The following USH2A variants were observed in gnomAD, a reference collection of about 807,000 sequenced individuals.
USH2A encodes usherin, also known as Usher syndrome 2A (autosomal recessive, mild).
In USH2A, 443 loss-of-function variants were observed where a neutral mutation model predicts 538.9. That is an observed-to-expected ratio of 0.82 (90% CI 0.76 to 0.89). The LOEUF (loss-of-function observed/expected upper bound fraction) is 0.89. USH2A is among the 40% of genes least tolerant of loss of function. USH2A has a pLI of 0.00. For synonymous variants in USH2A, 2,413 were observed against 2,273.5 expected (o/e 1.06, Z -1.75); for missense variants, 6,633 against 6,324.8 (o/e 1.05, Z -1.65).
intron 21 of USH2A, among the ~76,000 whole-genome samples, chr1:216,148,353 G>T (rs971572878): frequency 3.3e-5 from 5 of 151,810 alleles, no homozygotes; most frequent in Middle Eastern, 3.4e-3. Flanking sequence ...ACTATTCCTG[G>T]ACTACAGCTA....
chr1:216,263,303 A>C (rs2036411008), intron 11 of USH2A, among the ~76,000 whole-genome samples: 1 of 152,246 alleles, frequency 6.6e-6, no homozygotes, highest in East Asian at 1.9e-4. Context: ...TGATAGCAAA[A>C]CCAAATATGC....
rs79583521 is a variant in USH2A at position 215,845,317 on chromosome 1, T to C, written c.9055+507A>G. ...GAGACTTTATAAAGCCAAAAAAGAT[T>C]AGAAAGACCATTCCAAACACATTTC... On this transcript the variant is annotated intron_variant, in intron 45 of 71. Transcript: ENST00000307340. Among the ~76,000 whole-genome samples the C allele has an allele frequency of 5.4e-3, 821 of 152,186 alleles. 6 individuals are homozygous for C. Among genetic ancestry groups the C allele is most frequent in the African/African-American group, 0.018 (760 of 41,528 alleles).
intron 56 of USH2A, among the ~76,000 whole-genome samples, chr1:215,766,223 C>T (rs1661123088): frequency 6.6e-6 from 1 of 152,128 alleles, no homozygotes; most frequent in Non-Finnish European, 1.5e-5. Context: ...TCTATCTCTT[C>T]CTCTTCAGGC....
chr1:215,731,290 G>A (rs1412003403), intron 60 of USH2A, among the ~76,000 whole-genome samples: 1 of 152,178 alleles, frequency 6.6e-6, no homozygotes, highest in South Asian at 2.1e-4. Context: ...TTGAATCCTT[G>A]AAAAATTAAT....
At chr1:215,710,756 T>G (rs1337141360) in intron 61 of USH2A, among the ~76,000 whole-genome samples, 1 of 152,176 alleles carries the variant, frequency 6.6e-6, no homozygotes, top group Admixed American at 6.6e-5. Context: ...GCCATTTATT[T>G]CAGTTGCTGC....
At chr1:215,703,148 G>C (rs1223143075) in intron 61 of USH2A, among the ~76,000 whole-genome samples, 1 of 152,188 alleles carries the variant, frequency 6.6e-6, no homozygotes, top group African/African-American at 2.4e-5. Flanking sequence ...GGAGGCTGCA[G>C]AACATCAAAG....
chr1:216,059,305 C>T (rs947345800), intron 30 of USH2A, among the ~76,000 whole-genome samples: 2 of 152,202 alleles, frequency 1.3e-5, no homozygotes, highest in Non-Finnish European at 2.9e-5. Flanking sequence ...CCCTTGACAA[C>T]TCTTTATATG....
At chr1:216,092,215 C>G (rs964719766) in intron 22 of USH2A, among the ~76,000 whole-genome samples, 1 of 152,126 alleles carries the variant, frequency 6.6e-6, no homozygotes, top group African/African-American at 2.4e-5. Flanking sequence ...TGGGCATCTA[C>G]TATGTTCCAA....
At position 216,222,870 on chromosome 1, in the gene USH2A, C is replaced by A. The variant is rs901710437; in HGVS notation, c.2994-5320G>T. On this transcript the variant is annotated intron_variant, in intron 14 of 71. Transcript: ENST00000307340. ...CTGCATGCTTGTAATCACAGCTACTCGGGAGGCTGAGGCAGGAGAATCATT... is the reference window on the plus strand; with the variant it reads ...CTGCATGCTTGTAATCACAGCTACTAGGGAGGCTGAGGCAGGAGAATCATT... 4.0e-5 allele frequency among the ~76,000 whole-genome samples: 6 copies of A among 151,442 alleles called. No homozygotes were observed. In the East Asian group the frequency reaches 1.2e-3, roughly 30 times the overall value.
chr1:216,230,425 T>C (rs1189779009), intron 14 of USH2A, among the ~76,000 whole-genome samples: 5 of 152,188 alleles, frequency 3.3e-5, no homozygotes, highest in Non-Finnish European at 5.9e-5. Context: ...ACCATCAAGG[T>C]AACATTTCTA....
At chr1:216,150,269 C>T (rs1253654279) in intron 21 of USH2A, among the ~76,000 whole-genome samples, 1 of 152,164 alleles carries the variant, frequency 6.6e-6, no homozygotes, top group African/African-American at 2.4e-5. Flanking sequence ...AACTGCCACT[C>T]TTAACTCCCT....
intron 43 of USH2A, among the ~76,000 whole-genome samples, chr1:215,870,597 G>A (rs774395807): frequency 1.1e-4 from 17 of 151,740 alleles, no homozygotes; most frequent in African/African-American, 2.7e-4. Flanking sequence ...GCGCCTGGCC[G>A]AGGAAACAAG....
chr1:216,292,499 T>C, intron 9 of USH2A, 129 bp from the exon 10 acceptor site: 1 of 1,022,612 alleles, frequency 9.8e-7, no homozygotes, highest in Middle Eastern at 2.9e-4. Context: ...ATGATTTTAT[T>C]TGAAAAATAT....
At chr1:215,992,999 A>G (rs1375524736) in intron 35 of USH2A, 21 bp downstream of exon 35, 1 of 1,613,968 alleles carries the variant, frequency 6.2e-7, no homozygotes, top group Admixed American at 1.7e-5. Context: ...TTTTAACTTG[A>G]GGCTAAAAGA....
At chr1:216,298,746 G>T (rs912705742) in intron 9 of USH2A, among the ~76,000 whole-genome samples, 4 of 152,170 alleles carry the variant, frequency 2.6e-5, no homozygotes, top group African/African-American at 2.4e-5. Context: ...GCAGAACACT[G>T]CTTGTAGGAG....
In USH2A at chr1:215,680,680, A is replaced by G. The variant is rs1037581184; in HGVS notation, c.12067-304T>C. On this transcript the variant is annotated intron_variant, in intron 61 of 71. Coordinates refer to ENST00000307340, the MANE Select transcript of USH2A (RefSeq NM_206933.4). The stretch of plus-strand genomic sequence containing the variant: ...TATATAAACATTAAAAAAAAAAACA[A>G]AACATGATGCTTCAGATCAGTGCTG... Among the ~76,000 whole-genome samples the G allele has an allele frequency of 2.6e-5, 4 of 152,122 alleles. No individual in the cohort carries two copies. The South Asian group carries it at 8.3e-4, about 32-fold the overall frequency.
intron 4 of USH2A, among the ~76,000 whole-genome samples, chr1:216,330,692 C>T (rs936483019): frequency 1.3e-5 from 2 of 151,848 alleles, no homozygotes; most frequent in Admixed American, 6.6e-5. Flanking sequence ...GATTTCTGGT[C>T]TGAGTAAAAT....
At chr1:216,243,226 T>A in intron 13 of USH2A, among the ~76,000 whole-genome samples, 1 of 152,142 alleles carries the variant, frequency 6.6e-6, no homozygotes, top group Admixed American at 6.6e-5. Flanking sequence ...AAGAAGGGAT[T>A]TTGTGCATAT....
At chr1:215,900,711 A>G (rs1665470945) in intron 39 of USH2A, 44 bp downstream of exon 39, 9 of 1,612,818 alleles carry the variant, frequency 5.6e-6, no homozygotes, top group Middle Eastern at 3.3e-4. Flanking sequence ...TTATGTCTAT[A>G]TTGTATAACC....
Sources: gnomAD v4.1 joint callset for allele counts (sites outside exome capture counted in the v4.1 genomes callset) on GRCh38, gnomAD v4.1.1 for gene constraint, MANE v1.5 for transcripts, NCBI Gene and HGNC (gene_info 2026-07-23, HGNC 2026-07-21) for gene names.